Variants in FUBP3 observed in about 807,000 individuals in gnomAD.
The protein encoded by FUBP3 is far upstream element-binding protein 3.
In FUBP3, 28 loss-of-function variants were observed where a neutral mutation model predicts 85.6. The ratio of observed to expected loss-of-function variants is 0.33; its 90% CI spans 0.24 to 0.45. The LOEUF is 0.45. FUBP3 is among the 20% of genes least tolerant of loss of function. The pLI, the probability that FUBP3 is intolerant of heterozygous loss-of-function variation, is 1.00. For synonymous variants in FUBP3, 271 were observed against 271.4 expected (o/e 1.00, Z 0.01); for missense variants, 583 against 755.1 (o/e 0.77, Z 2.67).
Position 130,616,182 on chromosome 9 carries a change from C to T in FUBP3, c.405-173C>T, listed in dbSNP as rs1240558699. 4.6e-5 allele frequency among the ~76,000 whole-genome samples: 7 copies of T among 152,184 alleles called. No homozygotes were observed. Among genetic ancestry groups the T allele is most frequent in the Non-Finnish European group, 7.3e-5 (5 of 68,046 alleles). ...TGTGTGTTGCTTTTAAATTCCAGCCCGGTAGCGTGGCGGATGGCAGAGAGA... is the reference window on the plus strand; with the variant it reads ...TGTGTGTTGCTTTTAAATTCCAGCCTGGTAGCGTGGCGGATGGCAGAGAGA... On this transcript the variant is annotated intron_variant, in intron 6 of 18. Transcript: ENST00000319725. The surrounding 1 kb of genome is among the most constrained non-coding windows in gnomAD (Gnocchi z 4.7).
chr9:130,604,178 G>T (rs76797338), intron 2 of FUBP3, among the ~76,000 whole-genome samples: 4,357 of 152,238 alleles, frequency 0.029, 94 homozygotes, highest in Middle Eastern at 0.088. Context: ...AACCTTTTGG[G>T]AACGGAGAAC....
chr9:130,601,520 G>A (rs1006156559), intron 2 of FUBP3, among the ~76,000 whole-genome samples: 1 of 152,124 alleles, frequency 6.6e-6, no homozygotes, highest in African/African-American at 2.4e-5. Flanking sequence ...CCTCACCACT[G>A]GGGTGGCGGG....
chr9:130,597,491 C>T (rs144237061), intron 2 of FUBP3, among the ~76,000 whole-genome samples: 1 of 152,302 alleles, frequency 6.6e-6, no homozygotes, highest in East Asian at 1.9e-4. Context: ...CTTGGTCTGC[C>T]TCTGCTTTTC....
chr9:130,635,826 A>G lies in FUBP3; in HGVS notation c.1583-173A>G. 1.6e-6 allele frequency: 1 copy of G among 640,764 alleles called. No individual in the cohort carries two copies. The highest frequency in any genetic ancestry group is 2.7e-6 in the Non-Finnish European group (1 of 370,202). 39.7% of individuals were successfully genotyped at this position (640,764 alleles called of 1,614,324 possible). Reference sequence around the variant, plus strand: ...GCAGGGGCCGGGCAACAAGAGGCTAACAGCACCTTTTGTAGCAAGCGCTCC... The same window carrying G: ...GCAGGGGCCGGGCAACAAGAGGCTAGCAGCACCTTTTGTAGCAAGCGCTCC... On this transcript the variant is annotated intron_variant, in intron 17 of 18. Transcript: ENST00000319725. This position sits in a 1 kb window ranked among gnomAD's most constrained non-coding sequence, Gnocchi z 4.3.
intron 8 of FUBP3, among the ~76,000 whole-genome samples, chr9:130,620,127 A>G (rs1405165753): frequency 6.6e-6 from 1 of 152,256 alleles, no homozygotes; most frequent in Non-Finnish European, 1.5e-5. Flanking sequence ...GGCTTTTTAT[A>G]GAAGGTGGAC....
chr9:130,590,315 G>A (rs866817518), intron 1 of FUBP3, among the ~76,000 whole-genome samples: 3 of 152,156 alleles, frequency 2.0e-5, no homozygotes, highest in Non-Finnish European at 2.9e-5. Context: ...CTTGCCCAAG[G>A]TCACATGCGG....
chr9:130,617,947 G>A (rs760852200), intron 8 of FUBP3, 52 bp downstream of exon 8: 6 of 815,736 alleles, frequency 7.4e-6, no homozygotes, highest in South Asian at 3.2e-5. Flanking sequence ...GCTATCACTC[G>A]GTGGTACCCT....
At chr9:130,604,563 A>T (rs1347748776) in intron 2 of FUBP3, among the ~76,000 whole-genome samples, 2 of 152,188 alleles carry the variant, frequency 1.3e-5, no homozygotes, top group Admixed American at 1.3e-4. Context: ...CTGCCTCATC[A>T]GATTATCATG....
intron 18 of FUBP3, 81 bp from the exon 19 acceptor site, chr9:130,636,933 G>C: frequency 8.3e-7 from 1 of 1,202,602 alleles, no homozygotes; most frequent in Non-Finnish European, 1.2e-6. Context: ...CTCCCGTGAC[G>C]CGAGACCTGG....
Position 130,595,533 on chromosome 9 carries a change from A to C in FUBP3, c.135A>C (p.Leu45=). The C allele has an allele frequency of 6.3e-7, 1 of 1,593,994 alleles. No homozygotes were observed. The highest frequency in any genetic ancestry group is 8.6e-7 in the Non-Finnish European group (1 of 1,161,740). ...SIPHLNNSTP[L]VDPSVYGYGV... is the part of the protein sequence containing the mutation. ...CTCACTTGAATAATTCCACACCTCTAGTGGACCCCTCAGTATATGGATACG... is the reference window on the plus strand; with the variant it reads ...CTCACTTGAATAATTCCACACCTCTCGTGGACCCCTCAGTATATGGATACG... The change falls in exon 2 of 19, where the codon CTA becomes CTC. Residue 45 remains leucine (L), a synonymous_variant. Coordinates refer to ENST00000319725, the MANE Select transcript of FUBP3 (RefSeq NM_003934.2).
intron 1 of FUBP3, among the ~76,000 whole-genome samples, chr9:130,583,846 T>C (rs1290944630): frequency 6.6e-6 from 1 of 152,152 alleles, no homozygotes; most frequent in Non-Finnish European, 1.5e-5. Flanking sequence ...TGTATGTCTC[T>C]AAGGCTTTTC....
At chr9:130,586,890 C>T (rs1294768831) in intron 1 of FUBP3, among the ~76,000 whole-genome samples, 6 of 151,512 alleles carry the variant, frequency 4.0e-5, no homozygotes, top group Admixed American at 1.3e-4. Context: ...GCTGGGACTA[C>T]AGGTGCCTGC....
intron 2 of FUBP3, among the ~76,000 whole-genome samples, chr9:130,602,313 C>T (rs910074406): frequency 2.6e-5 from 4 of 152,194 alleles, no homozygotes; most frequent in African/African-American, 9.6e-5. Context: ...AATTCTTGGG[C>T]GTTCTGTCAA....
At chr9:130,589,705 A>ATATATATTTTTTTT (rs1414691549) in intron 1 of FUBP3, among the ~76,000 whole-genome samples, 5 of 73,826 alleles carry the variant, frequency 6.8e-5, no homozygotes, top group African/African-American at 3.9e-4. Flanking sequence ...ATATATATAT[A>ATATATATTTTTTTT]TTTTTTTTTT....
rs113638192 is a variant in FUBP3, at chr9:130,601,801, A to AT, written c.190+6231dup. On this transcript the variant is annotated intron_variant, in intron 2 of 18. Coordinates refer to ENST00000319725, the MANE Select transcript of FUBP3 (RefSeq NM_003934.2). ...ATGGAAATTTTAGAAATAATTCCTA[A>AT]TTTTTTTTTTTTTTTTTTGAGATGG... 1.2e-3 allele frequency among the ~76,000 whole-genome samples: 142 copies of AT among 117,370 alleles called. 4 individuals are homozygous for AT. Among genetic ancestry groups the AT allele is most frequent in the Middle Eastern group, 4.6e-3 (1 of 218 alleles). 77.0% of individuals were successfully genotyped at this position (117,370 alleles called of 152,430 possible).
chr9:130,630,696 C>T lies in FUBP3; in HGVS notation c.1186C>T (p.Pro396Ser), dbSNP rs202143770. The change falls in exon 13 of 19, where the codon CCC becomes TCC. Residue 396 changes from proline (P) to serine (S), a missense_variant. By Grantham distance (74) the Pro-to-Ser change is moderately conservative. Coordinates refer to ENST00000319725, the MANE Select transcript of FUBP3 (RefSeq NM_003934.2). ...AHVELQRNPP[P>S]NSDPNLRRFT... ...CGTGGAGCTTCAGAGGAACCCCCCTCCCAACAGCGACCCCAACCTGCGGAG... is the reference window on the plus strand; with the variant it reads ...CGTGGAGCTTCAGAGGAACCCCCCTTCCAACAGCGACCCCAACCTGCGGAG... 1,379 of 1,597,076 alleles carry T rather than the reference C, an allele frequency of 8.6e-4. 2 individuals are homozygous for T. Among genetic ancestry groups the T allele is most frequent in the Non-Finnish European group, 1.1e-3 (1,243 of 1,172,542 alleles).
chr9:130,612,488 A>G lies in FUBP3; in HGVS notation c.257A>G (p.Asp86Gly). ...TVITEEFKVP[D>G]KMVGFIIGRG... ...ATAACGGAAGAATTCAAAGTGCCTG[A>G]CAAAATGGTTGGATTTAGTAAGTAT... The change falls in exon 4 of 19, where the codon GAC becomes GGC. Residue 86 changes from aspartate (D) to glycine (G), a missense_variant. Physicochemically the swap from Asp to Gly is moderately conservative, Grantham distance 94 (BLOSUM62 -1). Coordinates refer to ENST00000319725, the MANE Select transcript of FUBP3 (RefSeq NM_003934.2). This position sits in a 1 kb window ranked among gnomAD's most constrained non-coding sequence, Gnocchi z 4.1. 1 of 1,596,772 alleles carries G rather than the reference A, an allele frequency of 6.3e-7. No individual in the cohort carries two copies. Among genetic ancestry groups the G allele is most frequent in the African/African-American group, 1.3e-5 (1 of 74,664 alleles).
intron 1 of FUBP3, among the ~76,000 whole-genome samples, chr9:130,590,875 T>C (rs1830593093): frequency 6.6e-6 from 1 of 152,224 alleles, no homozygotes; most frequent in Non-Finnish European, 1.5e-5. Context: ...TTTCTAACTT[T>C]AATGATTTGT....
At chr9:130,584,326 G>A (rs1195767243) in intron 1 of FUBP3, among the ~76,000 whole-genome samples, 1 of 151,740 alleles carries the variant, frequency 6.6e-6, no homozygotes, top group African/African-American at 2.4e-5. Flanking sequence ...TCAGGAGTTC[G>A]AGACCAGCCT....
Sources: gnomAD v4.1 joint callset for allele counts (sites outside exome capture counted in the v4.1 genomes callset) on GRCh38, gnomAD v4.1.1 for gene constraint, Gnocchi (gnomAD v3.1) non-coding constraint, MANE v1.5 for transcripts, NCBI Gene and HGNC (gene_info 2026-07-23, HGNC 2026-07-21) for gene names.